The following SCEL variants were observed in gnomAD, a reference collection of about 807,000 sequenced individuals.
SCEL encodes the protein sciellin.
In SCEL, 113 loss-of-function variants were observed where a neutral mutation model predicts 117.6. The observed-to-expected ratio is 0.96, with a 90% CI of 0.83 to 1.12. The LOEUF (loss-of-function observed/expected upper bound fraction) is 1.12. Ranked by LOEUF, SCEL falls within the 50% of genes most tolerant of loss-of-function variation. The pLI is 0.00. For missense variants in SCEL, 785 were observed against 810.8 expected (o/e 0.97, Z 0.39); for synonymous variants, 270 against 256.2 (o/e 1.05, Z -0.51).
chr13:77,571,839 A>T (rs2085652120), intron 8 of SCEL, among the ~76,000 whole-genome samples: 1 of 152,038 alleles, frequency 6.6e-6, no homozygotes. Context: ...TACTATCTAG[A>T]CTTAACAATT....
At chr13:77,642,842 G>A in intron 32 of SCEL, 34 bp downstream of exon 32, 1 of 1,215,206 alleles carries the variant, frequency 8.2e-7, no homozygotes, top group East Asian at 2.4e-5. Context: ...TAACACTTTG[G>A]TTAACCTTAA....
chr13:77,619,489 T>G (rs896509252), intron 27 of SCEL, among the ~76,000 whole-genome samples: 1 of 152,216 alleles, frequency 6.6e-6, no homozygotes, highest in African/African-American at 2.4e-5. Flanking sequence ...TTAAATCAGC[T>G]CAGACTCTCT....
At chr13:77,624,870 A>C (rs2089647907) in intron 27 of SCEL, among the ~76,000 whole-genome samples, 1 of 152,196 alleles carries the variant, frequency 6.6e-6, no homozygotes, top group Non-Finnish European at 1.5e-5. Context: ...ATCTTTTCTC[A>C]GAGCTGGATA....
intron 23 of SCEL, among the ~76,000 whole-genome samples, chr13:77,613,288 C>G (rs939594235): frequency 3.3e-5 from 5 of 152,086 alleles, no homozygotes; most frequent in African/African-American, 7.2e-5. Flanking sequence ...TTTCTGTTCT[C>G]TCACAAACAC....
rs2087500871 is a variant in SCEL, at chr13:77,599,577, T to G, written c.858-112T>G. 5.4e-6 allele frequency: 5 copies of G among 934,270 alleles called. No homozygotes were observed. In the East Asian group the frequency reaches 9.7e-5, roughly 18 times the overall value. The allele number at this position is 934,270 out of a possible 1,614,324, so 57.9% of individuals were successfully genotyped here. On this transcript the variant is annotated intron_variant, in intron 14 of 32. Transcript: ENST00000349847. ...GAAGGATTTCTGCTCTTCCATTCAA[T>G]AAGAGTAAATGAGCAATTCATGGAG...
intron 1 of SCEL, among the ~76,000 whole-genome samples, chr13:77,547,225 A>T (rs947889909): frequency 3.9e-5 from 6 of 152,212 alleles, no homozygotes; most frequent in Admixed American, 1.3e-4. Flanking sequence ...TAAACATTTT[A>T]AAAAATGTGA....
intron 28 of SCEL, among the ~76,000 whole-genome samples, chr13:77,628,222 A>G (rs2154405702): frequency 6.6e-6 from 1 of 150,534 alleles, no homozygotes; most frequent in African/African-American, 2.4e-5. Context: ...CAAGGTGCTT[A>G]ATAGCTAATA....
At chr13:77,587,529 AT>A (rs879544190) in intron 9 of SCEL, among the ~76,000 whole-genome samples, 25 of 151,028 alleles carry the variant, frequency 1.7e-4, no homozygotes, top group Non-Finnish European at 3.0e-4. Context: ...CACTCGTATG[AT>A]TTTTTTTTCT....
chr13:77,599,708 C>G lies in SCEL; in HGVS notation c.877C>G (p.Leu293Val), dbSNP rs536392438. 4.4e-4 allele frequency: 706 copies of G among 1,612,250 alleles called. 12 individuals carry two copies. In the South Asian group the frequency reaches 7.4e-3, roughly 17 times the overall value. ...TTTCAGAGCCAAAAGCCTTGAAAGT[C>G]TCATCTATATGAGTACCCGGACAGA... ...REKRAKSLES[L>V]IYMSTRTDKD... is the part of the protein sequence containing the mutation. The change falls in exon 15 of 33, where the codon CTC becomes GTC. Residue 293 changes from leucine to valine, a missense_variant. Transcript: ENST00000349847.
At chr13:77,616,074 G>A (rs1335895650) in intron 24 of SCEL, among the ~76,000 whole-genome samples, 6 of 151,232 alleles carry the variant, frequency 4.0e-5, no homozygotes, top group Non-Finnish European at 8.9e-5. Context: ...GTATTAGGCT[G>A]TGATGTAAAA....
At position 77,639,516 on chromosome 13, in the gene SCEL, C is replaced by T. The variant is rs17719643; in HGVS notation, c.1839-1160C>T. ...ATAATAGATTAGTGGTTCCTGGGTACGACTAACTCATTTCAACACAATGAG... is the reference window on the plus strand; with the variant it reads ...ATAATAGATTAGTGGTTCCTGGGTATGACTAACTCATTTCAACACAATGAG... On this transcript the variant is annotated intron_variant, in intron 30 of 32. Transcript: ENST00000349847. Among the ~76,000 whole-genome samples, 1,433 of 152,234 alleles carry T rather than the reference C, an allele frequency of 9.4e-3. 15 individuals carry two copies. Among genetic ancestry groups the T allele is most frequent in the Non-Finnish European group, 0.016 (1,082 of 67,996 alleles).
At position 77,567,712 on chromosome 13, in the gene SCEL, A is replaced by G; in HGVS notation, c.323A>G (p.Tyr108Cys). 2 of 1,609,130 alleles carry G rather than the reference A, an allele frequency of 1.2e-6. No individual in the cohort carries two copies. The highest frequency in any genetic ancestry group is 1.7e-6 in the Non-Finnish European group (2 of 1,177,602). ...GACAGAAATGATGCTGCTAAAACAT[A>G]TAAGGCCAATACCTTGGATAACCAA... ...ISDRNDAAKT[Y>C]KANTLDNQLT... Residue 108 changes from tyrosine to cysteine, a missense_variant, in exon 6 of 33, where the codon TAT becomes TGT. By Grantham distance (194) the Tyr-to-Cys change is radical (BLOSUM62 -2). Transcript: ENST00000349847.
intron 1 of SCEL, among the ~76,000 whole-genome samples, chr13:77,540,412 T>A (rs1341015476): frequency 6.6e-6 from 1 of 152,144 alleles, no homozygotes; most frequent in Non-Finnish European, 1.5e-5. Flanking sequence ...CACACAGTCT[T>A]AGGTGATGTT....
chr13:77,583,107 A>G (rs980398752), intron 9 of SCEL, among the ~76,000 whole-genome samples: 1 of 152,234 alleles, frequency 6.6e-6, no homozygotes, highest in African/African-American at 2.4e-5. Context: ...CATACCTTTA[A>G]AAAGCACAGT....
intron 12 of SCEL, among the ~76,000 whole-genome samples, chr13:77,596,699 G>GTA (rs2087258051): frequency 6.6e-6 from 1 of 151,262 alleles, no homozygotes; most frequent in South Asian, 2.1e-4. Context: ...GTGTGTGTGT[G>GTA]TGTGTGTGTG....
chr13:77,596,061 G>T (rs148030342), intron 12 of SCEL, among the ~76,000 whole-genome samples: 121 of 152,252 alleles, frequency 7.9e-4, no homozygotes, highest in African/African-American at 2.8e-3. Flanking sequence ...GGTTGGGCGT[G>T]GTGGCTCACA....
intron 4 of SCEL, among the ~76,000 whole-genome samples, chr13:77,561,054 GT>G (rs2084949200): frequency 6.6e-6 from 1 of 152,114 alleles, no homozygotes; most frequent in Non-Finnish European, 1.5e-5. Flanking sequence ...CTGATTTACT[GT>G]TCTGTGATCT....
At chr13:77,593,601 G>T in intron 12 of SCEL, 28 bp downstream of exon 12, 1 of 1,582,430 alleles carries the variant, frequency 6.3e-7, no homozygotes, top group Middle Eastern at 1.7e-4. Flanking sequence ...TTGAGCTTGG[G>T]TTTTATCTTC....
intron 9 of SCEL, among the ~76,000 whole-genome samples, chr13:77,577,582 A>AT (rs1185397869): frequency 2.0e-5 from 3 of 152,098 alleles, no homozygotes; most frequent in African/African-American, 7.2e-5. Context: ...GAGGCAAACC[A>AT]TATCACCAGG....
Sources: allele counts gnomAD v4.1 joint callset (sites outside exome capture counted in the v4.1 genomes callset), GRCh38; gene constraint gnomAD v4.1.1; transcripts MANE v1.5; gene names NCBI Gene and HGNC (gene_info 2026-07-23, HGNC 2026-07-21).